The following INTS9 variants were observed in gnomAD, a reference collection of about 807,000 sequenced individuals.
The protein encoded by INTS9 is integrator complex subunit 9.
A neutral mutation model predicts 79.7 loss-of-function variants in INTS9; 55 were observed. The observed-to-expected ratio is 0.69, with a 90% CI of 0.56 to 0.86. The LOEUF is 0.86. INTS9 is among the 40% of genes least tolerant of loss of function. INTS9 has a pLI of 0.00. For synonymous variants in INTS9, 319 were observed against 325.2 expected, an observed-to-expected ratio of 0.98 and a Z score of 0.20; for missense variants, 721 against 831.5, an observed-to-expected ratio of 0.87 and a Z score of 1.64.
chr8:28,815,917 A>C (rs996222284), intron 6 of INTS9, among the ~76,000 whole-genome samples: 2 of 152,218 alleles, frequency 1.3e-5, no homozygotes, highest in African/African-American at 4.8e-5. Context: ...GACCCAGAAC[A>C]ATGAACAACA....
intron 2 of INTS9, among the ~76,000 whole-genome samples, chr8:28,858,221 A>C (rs1808277941): frequency 6.6e-6 from 1 of 152,216 alleles, no homozygotes; most frequent in African/African-American, 2.4e-5. Context: ...TATCCTAAAT[A>C]TATATACTTG....
intron 1 of INTS9, among the ~76,000 whole-genome samples, chr8:28,866,358 C>T (rs1213055593): frequency 3.9e-5 from 6 of 151,962 alleles, no homozygotes; most frequent in Non-Finnish European, 7.4e-5. Context: ...GGGTTGGGGC[C>T]GGTCCGCAAT....
At chr8:28,853,665 T>A (rs1807979014) in intron 2 of INTS9, among the ~76,000 whole-genome samples, 1 of 152,216 alleles carries the variant, frequency 6.6e-6, no homozygotes, top group African/African-American at 2.4e-5. Context: ...TATCTCCTTG[T>A]TTATACAGTC....
chr8:28,792,912 C>CA (rs11404692), intron 10 of INTS9, among the ~76,000 whole-genome samples: 78,535 of 132,384 alleles, frequency 0.59, 22,954 homozygotes, highest in Non-Finnish European at 0.67. Context: ...GACTCCGTCT[C>CA]AAAAAAAAAA....
intron 1 of INTS9, among the ~76,000 whole-genome samples, chr8:28,867,086 A>T (rs1808795588): frequency 6.6e-6 from 1 of 152,170 alleles, no homozygotes; most frequent in Non-Finnish European, 1.5e-5. Flanking sequence ...CAGGAGCTGG[A>T]GACCTGCCTG....
chr8:28,852,230 TA>T (rs1249503808), intron 2 of INTS9, among the ~76,000 whole-genome samples: 1 of 148,354 alleles, frequency 6.7e-6, no homozygotes, highest in Non-Finnish European at 1.5e-5. Flanking sequence ...CTCAAAAAAA[TA>T]AAAAAAGAAA....
At chr8:28,794,615 C>T (rs1197591654) in intron 9 of INTS9, among the ~76,000 whole-genome samples, 1 of 152,158 alleles carries the variant, frequency 6.6e-6, no homozygotes, top group Non-Finnish European at 1.5e-5. Flanking sequence ...ACCCACAGGA[C>T]CACAGGAAAG....
rs1176629696 is a variant in INTS9 at position 28,793,866 on chromosome 8, G to C, written c.978C>G (p.Leu326=). ...TGTTGGCCACAGGGGAGATGAAGTA[G>C]AGGGGGACGCTGGAAAGCCCGGCTG... ...IDSAGLSSVP[L]YFISPVANSS... The change falls in exon 10 of 17, where the codon CTC becomes CTG. Residue 326 remains leucine, a synonymous_variant. Transcript: ENST00000521022. 3 of 1,613,906 alleles carry C rather than the reference G, an allele frequency of 1.9e-6. No homozygotes were observed. The highest frequency in any genetic ancestry group is 1.7e-5 in the Admixed American group (1 of 60,000).
rs138869037 is a variant in INTS9 at position 28,866,848 on chromosome 8, G to T, written c.10-7285C>A. Among the ~76,000 whole-genome samples the T allele has an allele frequency of 3.3e-3, 502 of 152,222 alleles. 3 individuals carry two copies. The highest frequency in any genetic ancestry group is 0.011 in the African/African-American group (476 of 41,532). On this transcript the variant is annotated intron_variant, in intron 1 of 16. Transcript: ENST00000521022. ...AAATTAGCCAGGCATGGTGGCGGGA[G>T]CCTGTAGTCCTGGCTACTCAGGAGG...
intron 1 of INTS9, among the ~76,000 whole-genome samples, chr8:28,866,235 A>T (rs1808736486): frequency 6.6e-6 from 1 of 152,176 alleles, no homozygotes; most frequent in African/African-American, 2.4e-5. Flanking sequence ...TGGTAGTCTT[A>T]TTATGACTAC....
At chr8:28,785,081 A>AAG (rs1803502130) in intron 11 of INTS9, among the ~76,000 whole-genome samples, 1 of 152,238 alleles carries the variant, frequency 6.6e-6, no homozygotes, top group Non-Finnish European at 1.5e-5. Context: ...GATTCAGGTG[A>AAG]AGCATTTTTA....
Position 28,837,736 on chromosome 8 carries a change from A to G in INTS9, c.302T>C (p.Ile101Thr), listed in dbSNP as rs761478656. ...IDLSTVDVILISNYHCMMALP... is the reference protein window; with the variant it reads ...IDLSTVDVILTSNYHCMMALP... ...CGCCATCATACAGTGATAGTTAGAG[A>G]TGAGAATCACATCTACTGTAGACAG... is the stretch of plus-strand genomic sequence containing the variant. The change falls in exon 5 of 17, where the codon ATC becomes ACC. Residue 101 changes from isoleucine (I) to threonine (T), a missense_variant. This residue lies in a region of INTS9 where 291 missense variants were observed against 307.0 expected (regional missense o/e 0.95). Transcript: ENST00000521022. 3 of 1,614,012 alleles carry G rather than the reference A, an allele frequency of 1.9e-6. No individual in the cohort carries two copies. The South Asian group carries it at 3.3e-5, about 18-fold the overall frequency.
chr8:28,841,016 C>T (rs1361913773), intron 4 of INTS9, among the ~76,000 whole-genome samples: 1 of 150,756 alleles, frequency 6.6e-6, no homozygotes, highest in Non-Finnish European at 1.5e-5. Context: ...AGGGAGGGTG[C>T]CATTCTGGCT....
At chr8:28,814,586 C>A (rs554396983) in intron 6 of INTS9, among the ~76,000 whole-genome samples, 1 of 152,264 alleles carries the variant, frequency 6.6e-6, no homozygotes, top group Admixed American at 6.5e-5. Flanking sequence ...CCTTCCAGAT[C>A]TCCTCATTCC....
chr8:28,859,821 TATTC>T (rs1808356877), intron 1 of INTS9, among the ~76,000 whole-genome samples: 1 of 152,188 alleles, frequency 6.6e-6, no homozygotes, highest in South Asian at 2.1e-4. Context: ...GGGCCACAGT[TATTC>T]AAAATAGAAG....
chr8:28,837,564 A>G (rs888792741), intron 5 of INTS9, 73 bp downstream of exon 5: 1 of 1,507,552 alleles, frequency 6.6e-7, no homozygotes, highest in Non-Finnish European at 9.0e-7. Flanking sequence ...CTGGTATAAT[A>G]CTGTGATAGC....
chr8:28,819,517 A>G (rs1805700149), intron 6 of INTS9, among the ~76,000 whole-genome samples: 1 of 152,182 alleles, frequency 6.6e-6, no homozygotes, highest in Non-Finnish European at 1.5e-5. Context: ...TGTCTGAGAG[A>G]CAGTTTGTTA....
chr8:28,775,254 GACTA>G (rs1802797407), intron 14 of INTS9, among the ~76,000 whole-genome samples: 1 of 152,182 alleles, frequency 6.6e-6, no homozygotes, highest in Non-Finnish European at 1.5e-5. Context: ...GAGCAGTCCT[GACTA>G]ACAGCTGTTA....
At chr8:28,871,690 G>C (rs1809104897) in intron 1 of INTS9, among the ~76,000 whole-genome samples, 2 of 152,110 alleles carry the variant, frequency 1.3e-5, no homozygotes, top group Non-Finnish European at 2.9e-5. Context: ...ACAGGTGTGA[G>C]CCATCATGCC....
Sources: allele counts gnomAD v4.1 joint callset (sites outside exome capture counted in the v4.1 genomes callset), GRCh38; gene constraint gnomAD v4.1.1; regional missense constraint gnomAD v4.1.1; transcripts MANE v1.5; gene names NCBI Gene and HGNC (gene_info 2026-07-23, HGNC 2026-07-21).